Variants in JMJD1C observed in about 807,000 individuals in gnomAD.
JMJD1C encodes jumonji domain-containing protein 1C.
A neutral mutation model predicts 245.3 loss-of-function variants in JMJD1C; 31 were observed. That is an observed-to-expected ratio of 0.13 (90% CI 0.09 to 0.17). The LOEUF (loss-of-function observed/expected upper bound fraction) is 0.17, where lower values mean the gene tolerates loss of function less well. JMJD1C is among the 10% of genes least tolerant of loss of function. The pLI is 1.00. For synonymous variants in JMJD1C, 1,057 were observed against 1,017.4 expected (o/e 1.04, Z -0.74); for missense variants, 2,691 against 3,000.2 (o/e 0.90, Z 2.41).
At chr10:63,193,274 T>C in intron 15 of JMJD1C, 71 bp downstream of exon 15, 1 of 1,510,472 alleles carries the variant, frequency 6.6e-7, no homozygotes, top group Admixed American at 2.0e-5. Context: ...CTAAACCAAA[T>C]TTCAAATAAA....
At chr10:63,380,231 AC>A in intron 2 of JMJD1C, 86 bp downstream of exon 2, 1 of 1,380,492 alleles carries the variant, frequency 7.2e-7, no homozygotes. Flanking sequence ...GGTGTCAGTC[AC>A]CAAACCTGGC....
intron 1 of JMJD1C, among the ~76,000 whole-genome samples, chr10:63,442,045 G>A (rs575036278): frequency 1.3e-5 from 2 of 152,182 alleles, no homozygotes; most frequent in African/African-American, 4.8e-5. Context: ...TGTACATACT[G>A]ATGACTGGTT....
At chr10:63,329,883 T>C (rs187191627) in intron 2 of JMJD1C, among the ~76,000 whole-genome samples, 86 of 152,262 alleles carry the variant, frequency 5.6e-4, no homozygotes, top group African/African-American at 1.9e-3. Context: ...ATAGGGTAAG[T>C]GTCCTGAGCA....
rs544981699 is a variant in JMJD1C, at chr10:63,367,133, C to G, written c.333+13185G>C. Reference sequence around the variant, plus strand: ...TATTGAAGCCAAAACAAAGGTCACACTGCAGCACTCTCAGAGGTTGAGTGG... The same window carrying G: ...TATTGAAGCCAAAACAAAGGTCACAGTGCAGCACTCTCAGAGGTTGAGTGG... On this transcript the variant is annotated intron_variant, in intron 2 of 25. Coordinates refer to ENST00000399262, the MANE Select transcript of JMJD1C (RefSeq NM_032776.3). Among the ~76,000 whole-genome samples the G allele has an allele frequency of 3.3e-5, 5 of 152,330 alleles. No homozygotes were observed. The South Asian group carries it at 1.0e-3, about 32-fold the overall frequency.
chr10:63,506,538 C>T (rs943052630), intron 1 of JMJD1C, among the ~76,000 whole-genome samples: 2 of 152,152 alleles, frequency 1.3e-5, no homozygotes, highest in African/African-American at 2.4e-5. Context: ...CTGGAAAAGC[C>T]TAGCTGCTTT....
intron 1 of JMJD1C, among the ~76,000 whole-genome samples, chr10:63,418,593 T>C (rs1285087087): frequency 3.3e-5 from 5 of 152,236 alleles, no homozygotes; most frequent in African/African-American, 7.2e-5. Flanking sequence ...TATGCACTTA[T>C]GTATCAGACA....
Position 63,280,896 on chromosome 10 carries a change from G to A in JMJD1C, c.334-16132C>T, listed in dbSNP as rs149654724. Reference sequence around the variant, plus strand: ...GTAAACCAAGTAGGCTGTCCCGCTTGACAGAAATAAAACGACACAAGATGC... The same window carrying A: ...GTAAACCAAGTAGGCTGTCCCGCTTAACAGAAATAAAACGACACAAGATGC... On this transcript the variant is annotated intron_variant, in intron 2 of 25. Transcript: ENST00000399262. 2.0e-3 allele frequency among the ~76,000 whole-genome samples: 298 copies of A among 151,580 alleles called. 2 individuals carry two copies. Among genetic ancestry groups the A allele is most frequent in the Non-Finnish European group, 2.1e-3 (143 of 67,950 alleles).
intron 3 of JMJD1C, among the ~76,000 whole-genome samples, chr10:63,261,530 G>A (rs1854751987): frequency 6.6e-6 from 1 of 151,978 alleles, no homozygotes; most frequent in African/African-American, 2.4e-5. Context: ...GCAGTGAGCT[G>A]AGATTGTGCC....
At chr10:63,276,465 C>CAAAA (rs551525973) in intron 2 of JMJD1C, among the ~76,000 whole-genome samples, 1 of 93,744 alleles carries the variant, frequency 1.1e-5, no homozygotes, top group Non-Finnish European at 2.2e-5. Flanking sequence ...GATTCCGTCT[C>CAAAA]AAAAAAAAAA....
intron 2 of JMJD1C, among the ~76,000 whole-genome samples, chr10:63,314,326 A>G (rs1184172008): frequency 6.6e-6 from 1 of 152,226 alleles, no homozygotes; most frequent in Non-Finnish European, 1.5e-5. Context: ...TTGGGAGGCC[A>G]AGGCATGCAG....
intron 3 of JMJD1C, chr10:63,222,527 A>C (rs1689720104): frequency 2.1e-6 from 3 of 1,397,698 alleles, no homozygotes; most frequent in Non-Finnish European, 3.0e-6. Flanking sequence ...CTTTTGTCCC[A>C]AAGATACTCA....
At chr10:63,362,217 AGAGT>A (rs949211956) in intron 2 of JMJD1C, among the ~76,000 whole-genome samples, 7 of 149,582 alleles carry the variant, frequency 4.7e-5, no homozygotes, top group Admixed American at 1.4e-4. Context: ...CACGCGCAAC[AGAGT>A]GAGACTGCAT....
chr10:63,215,198 C>A (rs1350076234), intron 7 of JMJD1C, 47 bp from the exon 8 acceptor site: 1 of 1,516,938 alleles, frequency 6.6e-7, no homozygotes, highest in Non-Finnish European at 9.0e-7. Context: ...ACTAAATAAG[C>A]ATATTTTAAA....
intron 1 of JMJD1C, among the ~76,000 whole-genome samples, chr10:63,395,873 G>A (rs764472402): frequency 1.3e-5 from 2 of 151,840 alleles, no homozygotes; most frequent in African/African-American, 2.4e-5. Flanking sequence ...CTATTCATGC[G>A]ACACCCAAGA....
At chr10:63,503,106 T>C (rs1564974909) in intron 1 of JMJD1C, among the ~76,000 whole-genome samples, 1 of 152,196 alleles carries the variant, frequency 6.6e-6, no homozygotes, top group Admixed American at 6.5e-5. Context: ...AAAGATATAT[T>C]TAAAGACAAA....
At chr10:63,245,852 A>G (rs1427816226) in intron 3 of JMJD1C, among the ~76,000 whole-genome samples, 1 of 152,184 alleles carries the variant, frequency 6.6e-6, no homozygotes, top group Non-Finnish European at 1.5e-5. Context: ...GACACACTCC[A>G]GTGATTCAAT....
upstream of JMJD1C, among the ~76,000 whole-genome samples, chr10:63,467,451 T>C (rs546384944): frequency 6.7e-4 from 102 of 152,308 alleles, no homozygotes; most frequent in African/African-American, 2.3e-3. Flanking sequence ...GAGGTTGCAG[T>C]GAGCCGGGAT....
At chr10:63,463,660 TA>T (rs574479672) in intron 1 of JMJD1C, among the ~76,000 whole-genome samples, 18 of 152,260 alleles carry the variant, frequency 1.2e-4, no homozygotes, top group East Asian at 9.6e-4. Flanking sequence ...AAAGACAGAT[TA>T]AAAAAACTCA....
chr10:63,244,328 A>C (rs1024615463), intron 3 of JMJD1C, among the ~76,000 whole-genome samples: 1 of 152,262 alleles, frequency 6.6e-6, no homozygotes, highest in Admixed American at 6.5e-5. Context: ...GTTTACTAGA[A>C]CCAAGGCAAA....
Sources: gnomAD v4.1 joint callset for allele counts (sites outside exome capture counted in the v4.1 genomes callset) on GRCh38, gnomAD v4.1.1 for gene constraint, MANE v1.5 for transcripts, NCBI Gene and HGNC (gene_info 2026-07-23, HGNC 2026-07-21) for gene names.